The following CCDC91 variants were observed in gnomAD, a reference collection of about 807,000 sequenced individuals.
CCDC91 encodes the protein coiled-coil domain-containing protein 91.
CCDC91 carries 48 observed loss-of-function variants against 63.2 expected under a neutral mutation model. That is an observed-to-expected ratio of 0.76 (90% confidence interval 0.60 to 0.97). CCDC91 has a LOEUF of 0.97. Ranked by LOEUF, CCDC91 falls within the 50% of genes least tolerant of loss-of-function variation. The pLI is 0.00. For synonymous variants in CCDC91, 167 were observed against 165.8 expected, an observed-to-expected ratio of 1.01 and a Z score of -0.06; for missense variants, 500 against 494.6, an observed-to-expected ratio of 1.01 and a Z score of -0.10.
At chr12:28,419,022 T>A (rs1474045054) in intron 8 of CCDC91, among the ~76,000 whole-genome samples, 1 of 152,182 alleles carries the variant, frequency 6.6e-6, no homozygotes, top group East Asian at 1.9e-4. Flanking sequence ...ATTTTATACA[T>A]CCATCCATTC....
chr12:28,337,663 T>C (rs1452839114), intron 6 of CCDC91, among the ~76,000 whole-genome samples: 1 of 152,106 alleles, frequency 6.6e-6, no homozygotes, highest in Non-Finnish European at 1.5e-5. Context: ...ACTCATCTAT[T>C]GATCCACTTA....
At chr12:28,301,598 C>G (rs1938086303) in intron 3 of CCDC91, among the ~76,000 whole-genome samples, 1 of 151,088 alleles carries the variant, frequency 6.6e-6, no homozygotes, top group Non-Finnish European at 1.5e-5. Context: ...ATGAAATTTT[C>G]CTTCATTTTC....
chr12:28,288,837 C>T (rs1365999288), intron 3 of CCDC91, among the ~76,000 whole-genome samples: 1 of 151,978 alleles, frequency 6.6e-6, no homozygotes, highest in African/African-American at 2.4e-5. Context: ...TGGTAGGCTA[C>T]TTATTATTGA....
chr12:28,522,208 G>A (rs1940758559), intron 12 of CCDC91, among the ~76,000 whole-genome samples: 1 of 151,820 alleles, frequency 6.6e-6, no homozygotes, highest in South Asian at 2.1e-4. Flanking sequence ...GTCCTGGATT[G>A]TTTTTGGTTG....
chr12:28,458,455 C>CTTTTT (rs60083355), intron 11 of CCDC91, among the ~76,000 whole-genome samples: 539 of 45,796 alleles, frequency 0.012, 143 homozygotes, highest in East Asian at 0.068. Context: ...ATTTGCACAC[C>CTTTTT]TTTTTTTTTT....
intron 8 of CCDC91, among the ~76,000 whole-genome samples, chr12:28,418,076 A>G (rs1947788641): frequency 6.6e-6 from 1 of 152,142 alleles, no homozygotes; most frequent in Admixed American, 6.6e-5. Context: ...TGGGTTAAAT[A>G]CTTAGGAGTA....
chr12:28,328,692 G>A (rs1352541875), intron 6 of CCDC91, among the ~76,000 whole-genome samples: 1 of 152,098 alleles, frequency 6.6e-6, no homozygotes, highest in Non-Finnish European at 1.5e-5. Context: ...ATGATGTTCT[G>A]TTGTTCATTT....
At chr12:28,529,323 A>G (rs1592968657) in intron 12 of CCDC91, among the ~76,000 whole-genome samples, 3 of 152,314 alleles carry the variant, frequency 2.0e-5, no homozygotes, top group East Asian at 3.9e-4. Flanking sequence ...AGTATACCAG[A>G]CAGATGTAGC....
At chr12:28,433,318 T>C (rs73085941) in intron 8 of CCDC91, among the ~76,000 whole-genome samples, 2,399 of 152,130 alleles carry the variant, frequency 0.016, 35 homozygotes, top group Non-Finnish European at 0.022. Flanking sequence ...TAGATTGCTT[T>C]CATATATTAT....
intron 11 of CCDC91, among the ~76,000 whole-genome samples, chr12:28,457,492 C>T (rs1209505163): frequency 6.7e-6 from 1 of 148,852 alleles, no homozygotes; most frequent in African/African-American, 2.5e-5. Flanking sequence ...AACACAAAAA[C>T]ATTGTGCAAC....
chr12:28,190,683 G>T (rs911224624), intron 1 of CCDC91, 42 bp downstream of exon 1: 1 of 152,304 alleles, frequency 6.6e-6, no homozygotes, highest in African/African-American at 2.4e-5. Context: ...TCTTGGGGTC[G>T]GGGCCGCGCG....
chr12:28,363,892 A>AAAAAAAG, intron 7 of CCDC91, among the ~76,000 whole-genome samples: 1 of 149,718 alleles, frequency 6.7e-6, no homozygotes, highest in Non-Finnish European at 1.5e-5. Flanking sequence ...AAAAAAAAAA[A>AAAAAAAG]AAAAAAGAAA....
chr12:28,546,099 C>T (rs1158192411), intron 12 of CCDC91, among the ~76,000 whole-genome samples: 2 of 152,062 alleles, frequency 1.3e-5, no homozygotes, highest in Admixed American at 1.3e-4. Flanking sequence ...AAGCCACCTC[C>T]AAACTGAATT....
intron 6 of CCDC91, among the ~76,000 whole-genome samples, chr12:28,322,602 AT>A (rs1302151269): frequency 6.6e-6 from 1 of 151,144 alleles, no homozygotes; most frequent in Non-Finnish European, 1.5e-5. Flanking sequence ...CTGCTTCCTT[AT>A]TTTTTTCTCT....
chr12:28,487,710 C>T lies in CCDC91; in HGVS notation c.1215+3545C>T, dbSNP rs74679349. Among the ~76,000 whole-genome samples, 488 of 151,542 alleles carry T rather than the reference C, an allele frequency of 3.2e-3. 25 individuals are homozygous for T. In the East Asian group the frequency reaches 0.086, roughly 27 times the overall value. ...TTCAACATTAGACAACTTAAAAGCC[C>T]GATAGACCTTGTTTCCAACTGAGCT... On this transcript the variant is annotated intron_variant, in intron 12 of 12. Transcript: ENST00000536442.
intron 8 of CCDC91, among the ~76,000 whole-genome samples, chr12:28,424,165 A>G (rs1355094423): frequency 6.6e-6 from 1 of 152,054 alleles, no homozygotes. Context: ...CCTGGCCTCA[A>G]GTGATCCTCC....
chr12:28,540,837 A>T (rs1393775267), intron 12 of CCDC91, among the ~76,000 whole-genome samples: 1 of 151,800 alleles, frequency 6.6e-6, no homozygotes, highest in Non-Finnish European at 1.5e-5. Context: ...ATTCTCTTGG[A>T]TTGCTTATTT....
At chr12:28,200,328 G>A (rs953042151) in intron 1 of CCDC91, among the ~76,000 whole-genome samples, 5 of 146,698 alleles carry the variant, frequency 3.4e-5, no homozygotes, top group Admixed American at 1.4e-4. Context: ...GGTGTTTCTC[G>A]CAGAGGGGGA....
At chr12:28,392,769 A>T (rs764889559) in intron 8 of CCDC91, among the ~76,000 whole-genome samples, 7 of 152,246 alleles carry the variant, frequency 4.6e-5, no homozygotes, top group Non-Finnish European at 5.9e-5. Flanking sequence ...CCTCAAGCTC[A>T]AAAGTCCAGG....
Sources: allele counts gnomAD v4.1 joint callset (sites outside exome capture counted in the v4.1 genomes callset), GRCh38; gene constraint gnomAD v4.1.1; transcripts MANE v1.5; gene names NCBI Gene and HGNC (gene_info 2026-07-23, HGNC 2026-07-21).